Variants in PLD1 observed in about 807,000 individuals in gnomAD.
PLD1 encodes choline phosphatase 1.
A neutral mutation model predicts 137.1 loss-of-function variants in PLD1; 112 were observed. That is an observed-to-expected ratio of 0.82 (90% CI 0.70 to 0.96). The LOEUF (loss-of-function observed/expected upper bound fraction) is 0.96, where lower values mean the gene tolerates loss of function less well. Ranked by LOEUF, PLD1 falls within the 40% of genes least tolerant of loss-of-function variation. The pLI is 0.00. For synonymous variants in PLD1, 431 were observed against 454.7 expected, an observed-to-expected ratio of 0.95 and a Z score of 0.66; for missense variants, 1,321 against 1,342.0, an observed-to-expected ratio of 0.98 and a Z score of 0.24.
chr3:171,763,155 G>C (rs1019504842), intron 1 of PLD1, among the ~76,000 whole-genome samples: 3 of 151,964 alleles, frequency 2.0e-5, no homozygotes, highest in African/African-American at 7.3e-5. Context: ...AGAAACCATC[G>C]AAGGTCCTTC....
chr3:171,623,676 G>C (rs1733840741), intron 23 of PLD1, among the ~76,000 whole-genome samples: 1 of 151,926 alleles, frequency 6.6e-6, no homozygotes, highest in Non-Finnish European at 1.5e-5. Context: ...AAACAGTGCA[G>C]ATCTAGCAGA....
intron 1 of PLD1, chr3:171,809,541 TTAGTAA>T (rs1724026763): frequency 6.6e-6 from 1 of 152,230 alleles, no homozygotes; most frequent in Non-Finnish European, 1.5e-5. Context: ...GGAGGCAGAC[TTAGTAA>T]TGGTCAAACG....
chr3:171,686,913 T>A (rs557539345), intron 15 of PLD1, 115 bp from the exon 16 acceptor site: 1 of 553,444 alleles, frequency 1.8e-6, no homozygotes, highest in South Asian at 2.8e-5. Flanking sequence ...GTCTTAAGAT[T>A]CTGTGCAACA....
intron 12 of PLD1, among the ~76,000 whole-genome samples, chr3:171,699,414 A>G (rs906582140): frequency 6.6e-6 from 1 of 152,244 alleles, no homozygotes; most frequent in Non-Finnish European, 1.5e-5. Context: ...GAATACAATT[A>G]AATGCTATGC....
chr3:171,678,988 C>CCCTAGAGAGACCTCT (rs150221769), intron 16 of PLD1, among the ~76,000 whole-genome samples: 2 of 50,268 alleles, frequency 4.0e-5, no homozygotes, highest in East Asian at 8.4e-4. Flanking sequence ...CTATCACCTG[C>CCCTAGAGAGACCTCT]CATCTCCCCA....
At chr3:171,703,104 TA>T (rs1369654879) in intron 11 of PLD1, among the ~76,000 whole-genome samples, 1 of 152,170 alleles carries the variant, frequency 6.6e-6, no homozygotes, top group African/African-American at 2.4e-5. Flanking sequence ...AGAAAAACGT[TA>T]TTATTCAACA....
chr3:171,690,831 C>T (rs1288259962), intron 13 of PLD1, among the ~76,000 whole-genome samples: 2 of 152,018 alleles, frequency 1.3e-5, no homozygotes, highest in African/African-American at 4.8e-5. Context: ...TTCTGTATGC[C>T]CATTGGATCC....
intron 1 of PLD1, among the ~76,000 whole-genome samples, chr3:171,773,835 G>A (rs1485652618): frequency 1.3e-5 from 2 of 151,920 alleles, no homozygotes; most frequent in African/African-American, 4.8e-5. Context: ...TGCAACCTCC[G>A]CCTCCTGGGT....
chr3:171,756,195 A>G (rs1721014045), intron 1 of PLD1, among the ~76,000 whole-genome samples: 1 of 152,020 alleles, frequency 6.6e-6, no homozygotes, highest in Non-Finnish European at 1.5e-5. Flanking sequence ...TTACCTTTCC[A>G]CCCCCTTCTG....
In PLD1 at chr3:171,662,006, A is replaced by C. The variant is rs564090300; in HGVS notation, c.2340+54T>G. ...AGTTTGGGGACCCTGAAATCTCTGC[A>C]TGATATTTAAGGGAAGGCAGTTTCT... is the stretch of plus-strand genomic sequence containing the variant. On this transcript the variant is annotated intron_variant, in intron 20 of 26. Coordinates refer to ENST00000351298, the MANE Select transcript of PLD1 (RefSeq NM_002662.5). 6.3e-5 allele frequency: 61 copies of C among 969,360 alleles called. No homozygotes were observed. The African/African-American group carries it at 8.8e-4, about 14-fold the overall frequency. The allele number at this position is 969,360 out of a possible 1,614,324, so 60.0% of individuals were successfully genotyped here. A position where few individuals can be genotyped will look rare whatever the true frequency, so the allele number is the denominator to read the frequency against.
At chr3:171,710,321 A>G (rs1393196293) in intron 9 of PLD1, among the ~76,000 whole-genome samples, 1 of 151,966 alleles carries the variant, frequency 6.6e-6, no homozygotes, top group Non-Finnish European at 1.5e-5. Flanking sequence ...TCGGCCTCCC[A>G]AAGTTCTGGG....
At chr3:171,613,342 C>A (rs1732833235) in intron 24 of PLD1, among the ~76,000 whole-genome samples, 2 of 152,072 alleles carry the variant, frequency 1.3e-5, no homozygotes, top group Non-Finnish European at 2.9e-5. Flanking sequence ...GAGTTTTCTA[C>A]CTTGTGGCAC....
At chr3:171,795,956 G>A (rs1355341213) in intron 1 of PLD1, among the ~76,000 whole-genome samples, 2 of 152,290 alleles carry the variant, frequency 1.3e-5, no homozygotes, top group East Asian at 1.9e-4. Flanking sequence ...AGTTTTGAGA[G>A]TCTACTGAAT....
intron 1 of PLD1, among the ~76,000 whole-genome samples, chr3:171,745,668 AG>A (rs749237950): frequency 6.6e-6 from 1 of 152,168 alleles, no homozygotes; most frequent in African/African-American, 2.4e-5. Context: ...GTTGTACATC[AG>A]GGGGGTAAGA....
Position 171,624,916 on chromosome 3 carries a change from G to T in PLD1, c.2594-4396C>A, listed in dbSNP as rs1733952343. Among the ~76,000 whole-genome samples, 3 of 152,082 alleles carry T rather than the reference G, an allele frequency of 2.0e-5. No homozygotes were observed. The South Asian group carries it at 6.2e-4, about 32-fold the overall frequency. On this transcript the variant is annotated intron_variant, in intron 23 of 26. Coordinates refer to ENST00000351298, the MANE Select transcript of PLD1 (RefSeq NM_002662.5). ...AACTGATGAAATTGGTTACCAATAG[G>T]GGATGGATAAGTACAGGGTGAAAAA...
chr3:171,667,103 CTTT>C (rs1712230945), intron 19 of PLD1, among the ~76,000 whole-genome samples: 1 of 152,128 alleles, frequency 6.6e-6, no homozygotes, highest in Non-Finnish European at 1.5e-5. Context: ...ATATGAATTC[CTTT>C]TTATTTCCCT....
intron 23 of PLD1, among the ~76,000 whole-genome samples, chr3:171,637,534 T>A (rs1735238499): frequency 6.6e-6 from 1 of 152,132 alleles, no homozygotes; most frequent in Admixed American, 6.6e-5. Context: ...TGCCTGGTCC[T>A]TTTCTTTTCT....
chr3:171,801,388 C>T (rs151235560), intron 1 of PLD1, among the ~76,000 whole-genome samples: 385 of 152,330 alleles, frequency 2.5e-3, no homozygotes, highest in Non-Finnish European at 3.7e-3. Context: ...TCAGACAGGA[C>T]GAACATATCC....
At chr3:171,773,657 T>G (rs186348478) in intron 1 of PLD1, among the ~76,000 whole-genome samples, 3 of 152,268 alleles carry the variant, frequency 2.0e-5, no homozygotes, top group Admixed American at 2.0e-4. Context: ...AGCTATTATA[T>G]AAGCTCTTCC....
Sources: allele counts gnomAD v4.1 joint callset (sites outside exome capture counted in the v4.1 genomes callset), GRCh38; gene constraint gnomAD v4.1.1; transcripts MANE v1.5; gene names NCBI Gene and HGNC (gene_info 2026-07-23, HGNC 2026-07-21).